Variants in TEX9 observed in about 807,000 individuals in gnomAD.
The protein encoded by TEX9 is testis expressed 9.
TEX9 carries 74 observed loss-of-function variants against 59.6 expected under a neutral mutation model. That is an observed-to-expected ratio of 1.24 (90% CI 1.03 to 1.51). TEX9 has a LOEUF of 1.51. Ranked by LOEUF, TEX9 falls within the 40% of genes most tolerant of loss-of-function variation. The pLI, the probability that TEX9 is intolerant of heterozygous loss-of-function variation, is 0.00. For synonymous variants in TEX9, 186 were observed against 152.2 expected (o/e 1.22, Z -1.64); for missense variants, 522 against 447.8 (o/e 1.17, Z -1.49).
At chr15:56,281,007 A>G (rs571069108) in intron 1 of TEX9, among the ~76,000 whole-genome samples, 5 of 152,210 alleles carry the variant, frequency 3.3e-5, no homozygotes, top group Non-Finnish European at 5.9e-5. Flanking sequence ...AAGAGGTGCT[A>G]CAGGATTTTT....
intron 1 of TEX9, among the ~76,000 whole-genome samples, chr15:56,300,302 GAGA>G (rs1360336589): frequency 1.3e-5 from 2 of 151,866 alleles, no homozygotes; most frequent in African/African-American, 4.8e-5. Flanking sequence ...AGGGAAGAGT[GAGA>G]AGGACATTGT....
chr15:56,301,198 G>A (rs1442726967), intron 1 of TEX9, among the ~76,000 whole-genome samples: 1 of 152,130 alleles, frequency 6.6e-6, no homozygotes, highest in East Asian at 1.9e-4. Flanking sequence ...AAATTCTGGA[G>A]CTGAAAAATG....
chr15:56,384,733 A>C lies in TEX9; in HGVS notation c.263+702A>C, dbSNP rs371661788. Among the ~76,000 whole-genome samples, 19 of 152,276 alleles carry C rather than the reference A, an allele frequency of 1.2e-4. No individual in the cohort carries two copies. The East Asian group carries it at 3.3e-3, about 26-fold the overall frequency. ...TTGGAGGCTGGAAAGATAAAGGATT[A>C]ATATTATGTAGTGGCAATGAATTTA... On this transcript the variant is annotated intron_variant, in intron 4 of 12. Coordinates refer to ENST00000352903, the Ensembl canonical transcript of TEX9.
chr15:56,415,392 C>T (rs140662888), intron 10 of TEX9, among the ~76,000 whole-genome samples: 15 of 151,824 alleles, frequency 9.9e-5, no homozygotes, highest in African/African-American at 3.4e-4. Flanking sequence ...GTTTTTAGTT[C>T]ATCTTGAGTT....
chr15:56,333,608 G>T (rs1021033820), intron 1 of TEX9, among the ~76,000 whole-genome samples: 2 of 152,028 alleles, frequency 1.3e-5, no homozygotes, highest in Non-Finnish European at 2.9e-5. Context: ...TCATCTAAGA[G>T]CTGGAACAAG....
At chr15:56,269,947 C>G (rs553728084) in intron 1 of TEX9, among the ~76,000 whole-genome samples, 1 of 152,200 alleles carries the variant, frequency 6.6e-6, no homozygotes, top group Non-Finnish European at 1.5e-5. Context: ...TGAGCCACCG[C>G]GCCCGGCCCT....
intron 10 of TEX9, among the ~76,000 whole-genome samples, chr15:56,416,995 G>A (rs1396499776): frequency 6.6e-6 from 1 of 151,804 alleles, no homozygotes; most frequent in Non-Finnish European, 1.5e-5. Context: ...TGTGTGCATA[G>A]AGGTGTTCAT....
intron 1 of TEX9, among the ~76,000 whole-genome samples, chr15:56,351,616 T>C (rs1440989692): frequency 6.6e-6 from 1 of 152,196 alleles, no homozygotes; most frequent in Non-Finnish European, 1.5e-5. Flanking sequence ...TCTCTGTGTC[T>C]TTAGTTAGGC....
chr15:56,380,502 C>T (rs2047677423), intron 3 of TEX9, among the ~76,000 whole-genome samples: 1 of 152,058 alleles, frequency 6.6e-6, no homozygotes, highest in East Asian at 1.9e-4. Flanking sequence ...TTACTATTAC[C>T]AGTGACTTTT....
upstream of TEX9, among the ~76,000 whole-genome samples, chr15:56,361,188 CTA>C (rs2046782658): frequency 6.6e-6 from 1 of 152,116 alleles, no homozygotes; most frequent in African/African-American, 2.4e-5. Context: ...GTGATTTTCT[CTA>C]TTGTTTCCCT....
At chr15:56,405,263 C>T (rs1277742459) in intron 9 of TEX9, among the ~76,000 whole-genome samples, 2 of 149,984 alleles carry the variant, frequency 1.3e-5, no homozygotes, top group South Asian at 2.1e-4. Flanking sequence ...GCCTAGATGT[C>T]GCCACTGCAC....
At chr15:56,293,963 A>G (rs77667194) in intron 1 of TEX9, among the ~76,000 whole-genome samples, 365 of 152,376 alleles carry the variant, frequency 2.4e-3, no homozygotes, top group Admixed American at 3.7e-3. Flanking sequence ...CTAGTGAATT[A>G]TCAAGTATGA....
rs77725560 is a variant in TEX9, at chr15:56,344,013, A to G, written c.-106-29428A>G. Among the ~76,000 whole-genome samples, 1,213 of 152,290 alleles carry G rather than the reference A, an allele frequency of 8.0e-3. 14 individuals are homozygous for G. Among genetic ancestry groups the G allele is most frequent in the African/African-American group, 0.027 (1,133 of 41,566 alleles). On this transcript the variant is annotated intron_variant, in intron 1 of 5. Coordinates refer to the TEX9 transcript ENST00000560827. ...GATGGCTATCTATATAAGATGGACA[A>G]TAACAAATGTTAGCGAGGATGTGGA...
chr15:56,428,289 A>T lies in TEX9; in HGVS notation c.1099-78A>T. ...TATATTCTGACAATATATTATCCACACATTTTTACAAACTTCCTGTTGTTT... is the reference window on the plus strand; with the variant it reads ...TATATTCTGACAATATATTATCCACTCATTTTTACAAACTTCCTGTTGTTT... On this transcript the variant is annotated intron_variant, in intron 11 of 12. Transcript: ENST00000352903. 4.0e-6 allele frequency: 4 copies of T among 988,818 alleles called. No homozygotes were observed. The East Asian group carries it at 7.2e-5, about 18-fold the overall frequency. 61.3% of individuals were successfully genotyped at this position (988,818 alleles called of 1,614,324 possible).
intron 1 of TEX9, among the ~76,000 whole-genome samples, chr15:56,338,800 C>G (rs2465968): frequency 0.56 from 85,457 of 151,818 alleles, 24,325 homozygotes; most frequent in Non-Finnish European, 0.61. Flanking sequence ...TGCCTTTAAT[C>G]CCAGCTACTT....
chr15:56,443,339 G>A, intron 12 of TEX9: 6 of 912,496 alleles, frequency 6.6e-6, no homozygotes, highest in Non-Finnish European at 9.5e-6. Flanking sequence ...TTACCAGTAT[G>A]GTTGGATTTA....
upstream of TEX9, among the ~76,000 whole-genome samples, chr15:56,362,859 T>A (rs2046815685): frequency 6.6e-6 from 1 of 152,270 alleles, no homozygotes; most frequent in Admixed American, 6.5e-5. Flanking sequence ...CTTGGTCTTT[T>A]GTGAATGGCT....
chr15:56,426,589 GTATATATATATATA>G (rs71110391), intron 10 of TEX9, among the ~76,000 whole-genome samples: 2,307 of 24,294 alleles, frequency 0.095, 221 homozygotes, highest in Middle Eastern at 0.22. Context: ...TTGAAAAGGT[GTATATATATATATA>G]TATATATATA....
intron 2 of TEX9, among the ~76,000 whole-genome samples, chr15:56,366,375 C>G (rs536468542): frequency 6.6e-6 from 1 of 152,192 alleles, no homozygotes; most frequent in African/African-American, 2.4e-5. Context: ...CTAAAACTCT[C>G]CAGCTTCACT....
Sources: gnomAD v4.1 joint callset for allele counts (sites outside exome capture counted in the v4.1 genomes callset) on GRCh38, gnomAD v4.1.1 for gene constraint, MANE v1.5 for transcripts, NCBI Gene and HGNC (gene_info 2026-07-23, HGNC 2026-07-21) for gene names.